Variants in COX7B2 observed in about 807,000 individuals in gnomAD.
COX7B2 encodes the protein cytochrome c oxidase subunit 7B2, also known as cytochrome c oxidase subunit 7B2, mitochondrial.
For missense variants in COX7B2, 109 were observed against 95.9 expected, an observed-to-expected ratio of 1.14 and a Z score of -0.57; for synonymous variants, 37 against 32.1, an observed-to-expected ratio of 1.15 and a Z score of -0.51.
chr4:46,750,824 G>A lies in COX7B2; in HGVS notation c.-49-15583C>T, dbSNP rs530815035. 2.0e-5 allele frequency among the ~76,000 whole-genome samples: 3 copies of A among 152,282 alleles called. No homozygotes were observed. In the East Asian group the frequency reaches 5.8e-4, roughly 29 times the overall value. ...TCGTCATGTCCTCAAATAGTGGAAAGAAAGCTCATTTTGATGTCTCTTTCC... is the reference window on the plus strand; with the variant it reads ...TCGTCATGTCCTCAAATAGTGGAAAAAAAGCTCATTTTGATGTCTCTTTCC... On this transcript the variant is annotated intron_variant, in intron 2 of 2. Transcript: ENST00000355591.
At chr4:46,750,466 C>T (rs980682368) in intron 2 of COX7B2, among the ~76,000 whole-genome samples, 1 of 152,074 alleles carries the variant, frequency 6.6e-6, no homozygotes, top group African/African-American at 2.4e-5. Context: ...ATAATGACAT[C>T]TAGTATCAAG....
chr4:46,780,504 G>A (rs1436818422), intron 2 of COX7B2, among the ~76,000 whole-genome samples: 3 of 152,142 alleles, frequency 2.0e-5, no homozygotes, highest in African/African-American at 4.8e-5. Context: ...GTGACAGAGA[G>A]AGACTACGTC....
intron 2 of COX7B2, among the ~76,000 whole-genome samples, chr4:46,754,726 G>GTATATATATATATATATATATATATATA (rs1228184530): frequency 6.5e-5 from 3 of 46,132 alleles, no homozygotes; most frequent in Admixed American, 3.6e-4. Context: ...GTGTGTGTGT[G>GTATATATATATATATATATATATATATA]TGTATATATA....
intron 1 of COX7B2, among the ~76,000 whole-genome samples, chr4:46,901,006 C>G (rs1184770742): frequency 6.6e-6 from 1 of 152,072 alleles, no homozygotes; most frequent in Non-Finnish European, 1.5e-5. Context: ...TAATATGTAA[C>G]TTTATTATTA....
intron 1 of COX7B2, among the ~76,000 whole-genome samples, chr4:46,878,406 T>TAA (rs546061723): frequency 2.6e-4 from 38 of 148,868 alleles, no homozygotes; most frequent in African/African-American, 8.1e-4. Context: ...GCTCTTACCA[T>TAA]AAAAAAAAAG....
chr4:46,747,726 G>A, intron 2 of COX7B2, among the ~76,000 whole-genome samples: 1 of 152,110 alleles, frequency 6.6e-6, no homozygotes, highest in East Asian at 1.9e-4. Flanking sequence ...CTCCTTTAAT[G>A]TCAAATTCCT....
intron 1 of COX7B2, among the ~76,000 whole-genome samples, chr4:46,905,060 A>T (rs1390172930): frequency 6.6e-6 from 1 of 152,164 alleles, no homozygotes; most frequent in East Asian, 1.9e-4. Flanking sequence ...GGAGTATAGA[A>T]ATTCTTACCT....
At chr4:46,903,261 G>A (rs1000046409) in intron 1 of COX7B2, among the ~76,000 whole-genome samples, 1 of 152,110 alleles carries the variant, frequency 6.6e-6, no homozygotes, top group Non-Finnish European at 1.5e-5. Flanking sequence ...TTAGGTAAAA[G>A]TCAATAAAAC....
chr4:46,745,625 T>C (rs1187416261), intron 2 of COX7B2, among the ~76,000 whole-genome samples: 1 of 152,226 alleles, frequency 6.6e-6, no homozygotes, highest in Non-Finnish European at 1.5e-5. Context: ...GATTTTTTTT[T>C]CCTTCTTGTA....
intron 1 of COX7B2, among the ~76,000 whole-genome samples, chr4:46,865,724 A>C (rs1362993088): frequency 6.6e-6 from 1 of 151,562 alleles, no homozygotes; most frequent in Non-Finnish European, 1.5e-5. Context: ...GTGGGAGAAA[A>C]CTCTATAGTA....
At chr4:46,797,004 A>C (rs1397528400) in intron 2 of COX7B2, among the ~76,000 whole-genome samples, 1 of 86,102 alleles carries the variant, frequency 1.2e-5, no homozygotes, top group Non-Finnish European at 2.1e-5. Context: ...ATGACACATT[A>C]GTGGGTGCAG....
At chr4:46,878,076 A>G (rs1249467621) in intron 1 of COX7B2, among the ~76,000 whole-genome samples, 2 of 152,092 alleles carry the variant, frequency 1.3e-5, no homozygotes, top group Non-Finnish European at 2.9e-5. Context: ...AAAAAAGGTA[A>G]TAACTGCCAT....
intron 2 of COX7B2, among the ~76,000 whole-genome samples, chr4:46,812,311 G>A (rs1719323918): frequency 6.6e-6 from 1 of 151,874 alleles, no homozygotes; most frequent in Non-Finnish European, 1.5e-5. Context: ...TGTCCCAGGA[G>A]CTTGGATGTA....
At chr4:46,816,773 T>C (rs147711852) in intron 2 of COX7B2, among the ~76,000 whole-genome samples, 1 of 152,328 alleles carries the variant, frequency 6.6e-6, no homozygotes, top group East Asian at 1.9e-4. Flanking sequence ...GTTTTCACTA[T>C]AGCTGAGGTT....
At position 46,879,563 on chromosome 4, in the gene COX7B2, C is replaced by T. The variant is rs547358796; in HGVS notation, c.-105+29597G>A. Among the ~76,000 whole-genome samples, 4 of 152,012 alleles carry T rather than the reference C, an allele frequency of 2.6e-5. 1 individual carries two copies. The highest frequency in any genetic ancestry group is 9.6e-5 in the African/African-American group (4 of 41,458). ...ATAGGCTGGAGCCACCACACCGAGA[C>T]CTCTCCTTGATCTTTTCTAAATGAT... On this transcript the variant is annotated intron_variant, in intron 1 of 2. Transcript: ENST00000355591.
chr4:46,836,893 G>A (rs187363315), intron 2 of COX7B2, among the ~76,000 whole-genome samples: 2 of 152,154 alleles, frequency 1.3e-5, no homozygotes, highest in African/African-American at 2.4e-5. Context: ...AAACTCATGC[G>A]ATCACTGTCA....
At chr4:46,842,328 T>C (rs1374113042) in intron 2 of COX7B2, among the ~76,000 whole-genome samples, 1 of 152,036 alleles carries the variant, frequency 6.6e-6, no homozygotes, top group African/African-American at 2.4e-5. Context: ...GACAAATGAA[T>C]TAACAAATCA....
At chr4:46,889,914 C>A in intron 1 of COX7B2, among the ~76,000 whole-genome samples, 1 of 136,040 alleles carries the variant, frequency 7.4e-6, no homozygotes. Flanking sequence ...TTTTTTTTTT[C>A]CTAATGTTTC....
At chr4:46,821,951 C>T (rs925716955) in intron 2 of COX7B2, among the ~76,000 whole-genome samples, 4 of 152,020 alleles carry the variant, frequency 2.6e-5, no homozygotes, top group Admixed American at 6.6e-5. Context: ...CTCACTCTGT[C>T]GCCAGGCTAG....
Sources: gnomAD v4.1 joint callset for allele counts (sites outside exome capture counted in the v4.1 genomes callset) on GRCh38, gnomAD v4.1.1 for gene constraint, MANE v1.5 for transcripts, NCBI Gene and HGNC (gene_info 2026-07-23, HGNC 2026-07-21) for gene names.